LHFPL3: variants seen among roughly 807,000 people sequenced by gnomAD.
LHFPL3 encodes the protein LHFPL tetraspan subfamily member 3, also known as LHFPL tetraspan subfamily member 3 protein.
In LHFPL3, 5 loss-of-function variants were observed where a neutral mutation model predicts 19.3. The observed-to-expected ratio is 0.26, with a 90% CI of 0.14 to 0.54. The LOEUF (loss-of-function observed/expected upper bound fraction) is 0.54, where lower values mean the gene tolerates loss of function less well. Ranked by LOEUF, LHFPL3 falls within the 20% of genes least tolerant of loss-of-function variation. The pLI is 0.94. For synonymous variants in LHFPL3, 133 were observed against 126.2 expected (o/e 1.05, Z -0.36); for missense variants, 249 against 307.4 (o/e 0.81, Z 1.42).
chr7:104,886,777 A>C (rs1792156706), intron 2 of LHFPL3, among the ~76,000 whole-genome samples: 1 of 152,248 alleles, frequency 6.6e-6, no homozygotes, highest in Non-Finnish European at 1.5e-5. Context: ...ACTGTACATA[A>C]AACACAATTA....
Position 104,469,120 on chromosome 7 carries a change from G to C in LHFPL3, c.445+139896G>C, listed in dbSNP as rs1295824045. On this transcript the variant is annotated intron_variant, in intron 1 of 2. Coordinates refer to ENST00000424859, the MANE Select transcript of LHFPL3 (RefSeq NM_199000.3). ...CATATGGATGGTTTGATCCAGCCTC[G>C]GTCACTGGAGTAAATAGAGTGAGTG... Among the ~76,000 whole-genome samples, 3 of 152,194 alleles carry C rather than the reference G, an allele frequency of 2.0e-5. No individual in the cohort carries two copies. In the East Asian group the frequency reaches 5.8e-4, roughly 29 times the overall value.
intron 1 of LHFPL3, among the ~76,000 whole-genome samples, chr7:104,640,610 G>A (rs912658556): frequency 2.0e-5 from 3 of 152,202 alleles, no homozygotes; most frequent in African/African-American, 7.2e-5. Flanking sequence ...ATAGTAGAAT[G>A]ATTTATAGTC....
Position 104,827,643 on chromosome 7 carries a change from G to C in LHFPL3, c.683-78544G>C, listed in dbSNP as rs558501836. Among the ~76,000 whole-genome samples the C allele has an allele frequency of 7.3e-5, 11 of 150,590 alleles. No homozygotes were observed. In the South Asian group the frequency reaches 2.3e-3, roughly 31 times the overall value. ...TTTTTTGATTGATAGTATCTTGTCT[G>C]CATAAGAAGCTGACCTTTCCATAGA... On this transcript the variant is annotated intron_variant, in intron 2 of 2. Coordinates refer to ENST00000424859, the MANE Select transcript of LHFPL3 (RefSeq NM_199000.3).
chr7:104,548,167 T>C (rs188788563), intron 1 of LHFPL3, among the ~76,000 whole-genome samples: 1 of 152,312 alleles, frequency 6.6e-6, no homozygotes, highest in East Asian at 1.9e-4. Context: ...ACCAAAATTC[T>C]TTAACCATGA....
At chr7:104,431,300 A>G (rs1787383747) in intron 1 of LHFPL3, among the ~76,000 whole-genome samples, 1 of 152,192 alleles carries the variant, frequency 6.6e-6, no homozygotes, top group South Asian at 2.1e-4. Context: ...TGCCATAATT[A>G]TGCCATTCTT....
intron 2 of LHFPL3, among the ~76,000 whole-genome samples, chr7:104,870,176 GCACATGTATA>G (rs1562820748): frequency 6.6e-6 from 1 of 152,032 alleles, no homozygotes; most frequent in African/African-American, 2.4e-5. Context: ...CACCAACATG[GCACATGTATA>G]CATATGTAAC....
At chr7:104,576,318 G>A (rs143784752) in intron 1 of LHFPL3, among the ~76,000 whole-genome samples, 1 of 152,348 alleles carries the variant, frequency 6.6e-6, no homozygotes, top group East Asian at 1.9e-4. Context: ...ACCAAAGGGT[G>A]TTCATTAGAT....
Position 104,795,471 on chromosome 7 carries a change from G to A in LHFPL3, c.682+58560G>A, listed in dbSNP as rs117445292. On this transcript the variant is annotated intron_variant, in intron 2 of 2. Transcript: ENST00000424859. ...CAGCGATTCTTCTAACAGTTTGTAT[G>A]CCTCAATTGTATTAGGGAAAGCTTT... is the stretch of plus-strand genomic sequence containing the variant. Among the ~76,000 whole-genome samples the A allele has an allele frequency of 2.8e-3, 426 of 152,274 alleles. 2 individuals carry two copies. The highest frequency in any genetic ancestry group is 4.0e-3 in the Non-Finnish European group (272 of 68,024).
chr7:104,873,306 G>A (rs1322870745), intron 2 of LHFPL3, among the ~76,000 whole-genome samples: 5 of 152,322 alleles, frequency 3.3e-5, no homozygotes, highest in East Asian at 1.9e-4. Context: ...AAAGGAATAT[G>A]TGTCAAGTAA....
In LHFPL3 at chr7:104,429,301, CTTT is replaced by C. The variant is rs71823474; in HGVS notation, c.445+100098_445+100100del. 7.1e-5 allele frequency among the ~76,000 whole-genome samples: 6 copies of C among 84,532 alleles called. No individual in the cohort carries two copies. In the South Asian group the frequency reaches 1.7e-3, roughly 24 times the overall value. 55.5% of individuals were successfully genotyped at this position (84,532 alleles called of 152,430 possible). A position where few individuals can be genotyped will look rare whatever the true frequency, so the allele number is the denominator to read the frequency against. ...ATTTCGGAATCTACCTATGTCATTC[CTTT>C]TTTTTTTTTTTTTTTTTTTTGAGAC... is the stretch of plus-strand genomic sequence containing the variant. On this transcript the variant is annotated intron_variant, in intron 1 of 2. Transcript: ENST00000424859.
chr7:104,558,596 T>A lies in LHFPL3; in HGVS notation c.446-178079T>A, dbSNP rs1424530397. Among the ~76,000 whole-genome samples, 7 of 150,900 alleles carry A rather than the reference T, an allele frequency of 4.6e-5. No homozygotes were observed. The South Asian group carries it at 1.2e-3, about 27-fold the overall frequency. On this transcript the variant is annotated intron_variant, in intron 1 of 2. Transcript: ENST00000424859. ...GGATATTAGCCCTTTGTCAGATAAG[T>A]AGGTTGCGAAAATTTTCTCCCGTTT...
chr7:104,338,098 T>C (rs998316950), intron 1 of LHFPL3, among the ~76,000 whole-genome samples: 14 of 132,588 alleles, frequency 1.1e-4, no homozygotes, highest in South Asian at 5.5e-4. Context: ...TTTTTCTTTT[T>C]TTTTTTTTTT....
intron 1 of LHFPL3, among the ~76,000 whole-genome samples, chr7:104,363,717 C>T (rs777906722): frequency 1.7e-4 from 26 of 152,178 alleles, no homozygotes; most frequent in Non-Finnish European, 3.5e-4. Context: ...AGATCCTTGC[C>T]ATTGGGACTG....
chr7:104,883,305 G>A (rs1792089535), intron 2 of LHFPL3, among the ~76,000 whole-genome samples: 1 of 152,120 alleles, frequency 6.6e-6, no homozygotes, highest in Non-Finnish European at 1.5e-5. Context: ...CATATTGGAG[G>A]ACTCTTAAAA....
rs139432333 is a variant in LHFPL3 at position 104,774,296 on chromosome 7, C to T, written c.682+37385C>T. 4.3e-4 allele frequency among the ~76,000 whole-genome samples: 65 copies of T among 152,346 alleles called. No individual in the cohort carries two copies. The East Asian group carries it at 0.011, about 26-fold the overall frequency. On this transcript the variant is annotated intron_variant, in intron 2 of 2. Transcript: ENST00000424859. Reference sequence around the variant, plus strand: ...ATGATAGCTAAATTTGTCTAACACTCGCTCTGTTCCAGGCATGGTTCTAAG... The same window carrying T: ...ATGATAGCTAAATTTGTCTAACACTTGCTCTGTTCCAGGCATGGTTCTAAG...
chr7:104,815,081 G>A (rs1246725090), intron 2 of LHFPL3, among the ~76,000 whole-genome samples: 2 of 152,098 alleles, frequency 1.3e-5, no homozygotes, highest in Admixed American at 6.5e-5. Flanking sequence ...AGGAAAGTGG[G>A]ACTCCCGCCT....
At chr7:104,338,271 T>C (rs1005654705) in intron 1 of LHFPL3, among the ~76,000 whole-genome samples, 2 of 152,034 alleles carry the variant, frequency 1.3e-5, no homozygotes, top group Non-Finnish European at 2.9e-5. Context: ...ATTAATTTTT[T>C]TGTATTTTTA....
intron 1 of LHFPL3, among the ~76,000 whole-genome samples, chr7:104,518,381 A>T (rs41061): frequency 0.44 from 67,539 of 152,030 alleles, 15,583 homozygotes; most frequent in East Asian, 0.56. Context: ...AAATATATTA[A>T]GTTTGAATAA....
At chr7:104,669,807 T>A (rs1211664367) in intron 1 of LHFPL3, among the ~76,000 whole-genome samples, 4 of 152,156 alleles carry the variant, frequency 2.6e-5, no homozygotes, top group Non-Finnish European at 5.9e-5. Context: ...GACTACAGCT[T>A]TTTAGAGAAG....
Sources: gnomAD v4.1 joint callset for allele counts (sites outside exome capture counted in the v4.1 genomes callset) on GRCh38, gnomAD v4.1.1 for gene constraint, MANE v1.5 for transcripts, NCBI Gene and HGNC (gene_info 2026-07-23, HGNC 2026-07-21) for gene names.